The following LCORL variants were observed in gnomAD, a reference collection of about 807,000 sequenced individuals.
The protein encoded by LCORL is ligand dependent nuclear receptor corepressor like, also known as ligand-dependent nuclear receptor corepressor-like protein.
LCORL carries 41 observed loss-of-function variants against 141.8 expected under a neutral mutation model. The observed-to-expected ratio is 0.29, with a 90% CI of 0.23 to 0.38. The LOEUF (loss-of-function observed/expected upper bound fraction) is 0.38, where lower values mean the gene tolerates loss of function less well. LCORL is among the 10% of genes least tolerant of loss of function. LCORL has a pLI of 1.00. For missense variants in LCORL, 1,759 were observed against 2,035.0 expected, an observed-to-expected ratio of 0.86 and a Z score of 2.61; for synonymous variants, 618 against 694.1, an observed-to-expected ratio of 0.89 and a Z score of 1.72.
intron 1 of LCORL, among the ~76,000 whole-genome samples, chr4:18,018,086 T>G (rs527893300): frequency 2.0e-5 from 3 of 152,230 alleles, no homozygotes; most frequent in African/African-American, 7.2e-5. Flanking sequence ...ATACAAAATT[T>G]TTAAATATTG....
chr4:17,942,663 A>G (rs1738158850), intron 4 of LCORL, among the ~76,000 whole-genome samples: 1 of 152,214 alleles, frequency 6.6e-6, no homozygotes, highest in South Asian at 2.1e-4. Flanking sequence ...TAACTATGAT[A>G]CTTGCTCAGG....
At chr4:17,861,358 G>A (rs1477052355) in intron 7 of LCORL, among the ~76,000 whole-genome samples, 1 of 152,226 alleles carries the variant, frequency 6.6e-6, no homozygotes, top group Non-Finnish European at 1.5e-5. Context: ...TCCACCCTCT[G>A]AATCAACAGC....
chr4:17,947,351 G>C (rs1339373786), intron 4 of LCORL, among the ~76,000 whole-genome samples: 1 of 151,924 alleles, frequency 6.6e-6, no homozygotes, highest in Non-Finnish European at 1.5e-5. Flanking sequence ...TCAAGAAGCA[G>C]AGAGCAGAAT....
At chr4:17,996,177 C>A (rs1720894967) in intron 1 of LCORL, among the ~76,000 whole-genome samples, 1 of 151,962 alleles carries the variant, frequency 6.6e-6, no homozygotes, top group Admixed American at 6.6e-5. Flanking sequence ...ATATTCCAAC[C>A]AGGATATATC....
chr4:17,906,572 T>TAA (rs1276009111), intron 5 of LCORL, among the ~76,000 whole-genome samples: 3 of 152,222 alleles, frequency 2.0e-5, no homozygotes, highest in African/African-American at 7.2e-5. Flanking sequence ...TTGTTTAGAC[T>TAA]ATTACAATAA....
At chr4:17,888,983 CT>C (rs1435815211) in intron 5 of LCORL, among the ~76,000 whole-genome samples, 1 of 152,074 alleles carries the variant, frequency 6.6e-6, no homozygotes, top group South Asian at 2.1e-4. Context: ...TTCCCCCATT[CT>C]AAGCTCTCTT....
intron 5 of LCORL, among the ~76,000 whole-genome samples, chr4:17,901,176 A>G (rs1730808286): frequency 6.6e-6 from 1 of 152,120 alleles, no homozygotes; most frequent in African/African-American, 2.4e-5. Flanking sequence ...AAAAAAAAGA[A>G]ATCTGCTTCC....
rs141881734 is a variant in LCORL, at chr4:17,956,846, C to T, written c.430+5057G>A. On this transcript the variant is annotated intron_variant, in intron 4 of 7. Transcript: ENST00000635767. ...GAGGTGATGGATATTCTAAATACCC[C>T]AATTTGTTATTACACATTGTATACA... Among the ~76,000 whole-genome samples, 317 of 152,072 alleles carry T rather than the reference C, an allele frequency of 2.1e-3. 1 individual carries two copies. Among genetic ancestry groups the T allele is most frequent in the Non-Finnish European group, 3.7e-3 (250 of 67,914 alleles).
intron 4 of LCORL, among the ~76,000 whole-genome samples, chr4:17,948,801 A>G (rs1739279787): frequency 6.6e-6 from 1 of 151,998 alleles, no homozygotes; most frequent in African/African-American, 2.4e-5. Context: ...AGAAAATGGG[A>G]AACAATTTTC....
At chr4:17,915,862 T>C (rs1026670114) in intron 4 of LCORL, among the ~76,000 whole-genome samples, 1 of 152,218 alleles carries the variant, frequency 6.6e-6, no homozygotes, top group Non-Finnish European at 1.5e-5. Context: ...GTTTAGATGT[T>C]TGTCCCCTCT....
chr4:17,882,086 T>C (rs1349238933), intron 6 of LCORL: 2 of 984,288 alleles, frequency 2.0e-6, no homozygotes, highest in East Asian at 1.1e-4. Flanking sequence ...GGTTGTGTAG[T>C]TTCTCACTCT....
At chr4:17,852,150 TTC>T (rs572705894) in intron 7 of LCORL, among the ~76,000 whole-genome samples, 38 of 152,182 alleles carry the variant, frequency 2.5e-4, no homozygotes, top group Non-Finnish European at 4.9e-4. Flanking sequence ...ATGTCATGGC[TTC>T]TCTGTTTCAT....
intron 4 of LCORL, among the ~76,000 whole-genome samples, chr4:17,910,859 A>G (rs11941321): frequency 0.074 from 11,273 of 152,256 alleles, 945 homozygotes; most frequent in African/African-American, 0.21. Context: ...ATAATTTTGA[A>G]TTCTGAAAAA....
intron 2 of LCORL, among the ~76,000 whole-genome samples, chr4:17,969,549 C>T (rs1057137340): frequency 6.6e-6 from 1 of 151,976 alleles, no homozygotes; most frequent in Admixed American, 6.6e-5. Context: ...AGTAGGTTTG[C>T]AAACTAAAAG....
chr4:17,974,890 C>T (rs1716651240), intron 1 of LCORL, among the ~76,000 whole-genome samples: 2 of 152,172 alleles, frequency 1.3e-5, no homozygotes, highest in African/African-American at 2.4e-5. Flanking sequence ...TCTTTTAATA[C>T]CTTTCACCAT....
chr4:17,995,271 G>A (rs1720728513), intron 1 of LCORL, among the ~76,000 whole-genome samples: 1 of 145,266 alleles, frequency 6.9e-6, no homozygotes, highest in African/African-American at 2.6e-5. Context: ...TGTATTTTCT[G>A]CTATGACTTA....
exon 7 of LCORL, chr4:17,873,873 T>A: frequency 8.1e-7 from 1 of 1,234,048 alleles, no homozygotes; most frequent in East Asian, 3.2e-5. Context: ...TGGTCCCTTT[T>A]GAAAGTCTTT....
rs1451179960 is a variant in LCORL, at chr4:17,884,362, T to G, written c.776+1706A>C. ...TTTTTTCTTTAAACTGAGTGACCAT[T>G]TTCTGTAGAGTTAGCTGATGGAGGT... On this transcript the variant is annotated intron_variant, in intron 6 of 7. Coordinates refer to ENST00000635767, the Ensembl canonical transcript of LCORL. The surrounding 1 kb of genome is among the most constrained non-coding windows in gnomAD (Gnocchi z 4.4). The G allele has an allele frequency of 1.3e-6, 2 of 1,547,510 alleles. No homozygotes were observed. Among genetic ancestry groups the G allele is most frequent in the Non-Finnish European group, 1.7e-6 (2 of 1,145,560 alleles).
chr4:17,846,447 A>C (rs1722949531), intron 7 of LCORL, among the ~76,000 whole-genome samples: 1 of 152,302 alleles, frequency 6.6e-6, no homozygotes, highest in South Asian at 2.1e-4. Context: ...ACTGGAATAC[A>C]GCCCTTTCTC....
Sources: allele counts gnomAD v4.1 joint callset (sites outside exome capture counted in the v4.1 genomes callset), GRCh38; gene constraint gnomAD v4.1.1; non-coding constraint Gnocchi (gnomAD v3.1); transcripts MANE v1.5; gene names NCBI Gene and HGNC (gene_info 2026-07-23, HGNC 2026-07-21).